KPNA6: variants seen among roughly 807,000 people sequenced by gnomAD.
KPNA6 encodes the protein karyopherin subunit alpha 6, also known as importin subunit alpha-7.
In KPNA6, 9 loss-of-function variants were observed where a neutral mutation model predicts 72.0. The ratio of observed to expected loss-of-function variants is 0.13; its 90% CI spans 0.08 to 0.22. The LOEUF (loss-of-function observed/expected upper bound fraction) is 0.22. Among genes scored for constraint, KPNA6 ranks in the 10% least tolerant of loss-of-function variants. KPNA6 has a pLI of 1.00. For synonymous variants in KPNA6, 219 were observed against 242.1 expected (o/e 0.90, Z 0.89); for missense variants, 374 against 655.7 (o/e 0.57, Z 4.69).
chr1:32,143,700 T>C (rs1416306707), intron 1 of KPNA6, among the ~76,000 whole-genome samples: 1 of 152,038 alleles, frequency 6.6e-6, no homozygotes, highest in Non-Finnish European at 1.5e-5. Flanking sequence ...TCATCATCAC[T>C]ATTTCCAAAT....
intron 1 of KPNA6, among the ~76,000 whole-genome samples, chr1:32,153,046 G>A (rs1228279789): frequency 7.0e-6 from 1 of 141,874 alleles, no homozygotes; most frequent in African/African-American, 2.7e-5. Context: ...AAAGTATAGT[G>A]TGAACATTTA....
At position 32,159,367 on chromosome 1, in the gene KPNA6, G is replaced by T; in HGVS notation, c.427-33G>T. On this transcript the variant is annotated intron_variant, in intron 5 of 13. Transcript: ENST00000373625. ...TAGGCATGGCTGCTCAGTCTGAAAT[G>T]ACCTTTCAATCATTGCTTAATCTCA... 1.9e-6 allele frequency: 3 copies of T among 1,611,294 alleles called. No individual in the cohort carries two copies. The South Asian group carries it at 3.3e-5, about 18-fold the overall frequency.
chr1:32,170,862 C>T lies in KPNA6; in HGVS notation c.1579C>T (p.Pro527Ser). The change falls in exon 14 of 14, where the codon CCT becomes TCT. Residue 527 changes from proline (P) to serine (S), a missense_variant. Around this residue, in one of 3 missense-constraint regions of KPNA6, gnomAD observed 42 missense variants for 49.8 expected, o/e 0.84. Coordinates refer to ENST00000373625, the MANE Select transcript of KPNA6 (RefSeq NM_012316.5). ...GCAACAGCAGTTCATCTTCCAGCAG[C>T]CTGAGGCCCCCATGGAGGGCTTCCA... is the stretch of plus-strand genomic sequence containing the variant. ...ETQQQFIFQQ[P>S]EAPMEGFQL The T allele has an allele frequency of 1.2e-6, 2 of 1,614,240 alleles. No homozygotes were observed. The highest frequency in any genetic ancestry group is 1.1e-5 in the South Asian group (1 of 91,092).
At chr1:32,167,723 G>A (rs943686296) in intron 12 of KPNA6, among the ~76,000 whole-genome samples, 3 of 152,026 alleles carry the variant, frequency 2.0e-5, no homozygotes, top group Non-Finnish European at 2.9e-5. Context: ...AAAATTAGCC[G>A]GGCGTGGTGG....
chr1:32,141,046 A>G (rs948435622), intron 1 of KPNA6, among the ~76,000 whole-genome samples: 1 of 151,940 alleles, frequency 6.6e-6, no homozygotes, highest in African/African-American at 2.4e-5. Context: ...GCTTTGGGGG[A>G]ATTAATCCTG....
At chr1:32,116,044 C>T (rs1412185402) in intron 1 of KPNA6, among the ~76,000 whole-genome samples, 1 of 152,052 alleles carries the variant, frequency 6.6e-6, no homozygotes, top group Non-Finnish European at 1.5e-5. Context: ...GCGCTCGGCT[C>T]CTTAAACCTT....
chr1:32,143,599 A>G (rs1249650262), intron 1 of KPNA6, among the ~76,000 whole-genome samples: 1 of 151,760 alleles, frequency 6.6e-6, no homozygotes, highest in Non-Finnish European at 1.5e-5. Context: ...AAAGAAAAAA[A>G]AATTATTAGT....
At chr1:32,134,562 C>T (rs564800071) in intron 1 of KPNA6, among the ~76,000 whole-genome samples, 5 of 151,194 alleles carry the variant, frequency 3.3e-5, no homozygotes, top group South Asian at 2.1e-4. Context: ...CGCTAGAACC[C>T]GGGAGGCAAA....
At chr1:32,166,541 C>G (rs1642341757) in intron 11 of KPNA6, among the ~76,000 whole-genome samples, 1 of 150,040 alleles carries the variant, frequency 6.7e-6, no homozygotes, top group South Asian at 2.1e-4. Context: ...AGGAGAATTG[C>G]TTGAACCCGA....
intron 1 of KPNA6, among the ~76,000 whole-genome samples, chr1:32,122,957 CAAA>C (rs912635889): frequency 3.6e-5 from 2 of 56,108 alleles, no homozygotes; most frequent in Admixed American, 2.0e-4. Flanking sequence ...AACTCCATCT[CAAA>C]AAAAAAAAAA....
At chr1:32,123,546 G>A (rs942939121) in intron 1 of KPNA6, among the ~76,000 whole-genome samples, 12 of 151,798 alleles carry the variant, frequency 7.9e-5, no homozygotes, top group African/African-American at 2.9e-4. Flanking sequence ...TTCAAGACCA[G>A]CCAGGACAAC....
intron 1 of KPNA6, among the ~76,000 whole-genome samples, chr1:32,118,035 G>C (rs1641357990): frequency 6.6e-6 from 1 of 151,854 alleles, no homozygotes; most frequent in Admixed American, 6.6e-5. Flanking sequence ...CTATTCTCCT[G>C]CCTCAGCCTC....
At chr1:32,126,000 A>AAAAAAC (rs1344906069) in intron 1 of KPNA6, among the ~76,000 whole-genome samples, 1 of 149,758 alleles carries the variant, frequency 6.7e-6, no homozygotes, top group African/African-American at 2.5e-5. Flanking sequence ...AAAAAAAAAA[A>AAAAAAC]ACCTGTCCTA....
At chr1:32,132,733 C>T (rs1335453467) in intron 1 of KPNA6, among the ~76,000 whole-genome samples, 1 of 152,092 alleles carries the variant, frequency 6.6e-6, no homozygotes, top group Non-Finnish European at 1.5e-5. Context: ...GAAACCCCGT[C>T]TCTACTAAAA....
intron 7 of KPNA6, among the ~76,000 whole-genome samples, chr1:32,161,736 T>C (rs554180839): frequency 6.6e-6 from 1 of 152,316 alleles, no homozygotes; most frequent in Admixed American, 6.5e-5. Flanking sequence ...TTATCTATGG[T>C]ATTAACTAGC....
chr1:32,146,811 A>T (rs771429233), intron 1 of KPNA6, among the ~76,000 whole-genome samples: 1 of 152,134 alleles, frequency 6.6e-6, no homozygotes, highest in Non-Finnish European at 1.5e-5. Context: ...ATATGGCATC[A>T]AGTTACTGTG....
In KPNA6 at chr1:32,130,222, A is replaced by AT. The variant is rs55953899; in HGVS notation, c.4+22112dup. On this transcript the variant is annotated intron_variant, in intron 1 of 13. Transcript: ENST00000373625. The stretch of plus-strand genomic sequence containing the variant: ...TTTAGTCTGGATTTAGTAGATAAAT[A>AT]TTTTTTTTTTTTTTTTTTTTTTTTA... Among the ~76,000 whole-genome samples the AT allele has an allele frequency of 9.6e-3, 987 of 103,062 alleles. 15 individuals carry two copies. Among genetic ancestry groups the AT allele is most frequent in the East Asian group, 0.048 (188 of 3,922 alleles). 67.6% of individuals were successfully genotyped at this position (103,062 alleles called of 152,430 possible).
rs572881227 is a variant in KPNA6 at position 32,137,640 on chromosome 1, A to G, written c.5-16948A>G. Among the ~76,000 whole-genome samples, 24 of 152,342 alleles carry G rather than the reference A, an allele frequency of 1.6e-4. 1 individual carries two copies. The South Asian group carries it at 5.0e-3, about 32-fold the overall frequency. Reference sequence around the variant, plus strand: ...GCTGTGTACTTTGCTATAGACGCAAAGATAAGTAAAAGAGTTCTTGTTCTC... The same window carrying G: ...GCTGTGTACTTTGCTATAGACGCAAGGATAAGTAAAAGAGTTCTTGTTCTC... On this transcript the variant is annotated intron_variant, in intron 1 of 13. Transcript: ENST00000373625.
At chr1:32,141,226 G>C (rs1641830381) in intron 1 of KPNA6, among the ~76,000 whole-genome samples, 1 of 151,912 alleles carries the variant, frequency 6.6e-6, no homozygotes, top group Non-Finnish European at 1.5e-5. Context: ...CAATTGGCCT[G>C]AGTTTAAAAT....
Sources: allele counts gnomAD v4.1 joint callset (sites outside exome capture counted in the v4.1 genomes callset), GRCh38; gene constraint gnomAD v4.1.1; regional missense constraint gnomAD v4.1.1; transcripts MANE v1.5; gene names NCBI Gene and HGNC (gene_info 2026-07-23, HGNC 2026-07-21).